Variants in DNAH9 observed in about 807,000 individuals in gnomAD.
The protein encoded by DNAH9 is DNAH9 variant protein.
In DNAH9, 345 loss-of-function variants were observed where a neutral mutation model predicts 471.6. The ratio of observed to expected loss-of-function variants is 0.73; its 90% CI spans 0.67 to 0.80. The LOEUF is 0.80. DNAH9 is among the 30% of genes least tolerant of loss of function. The probability of loss-of-function intolerance (pLI) is 0.00; values close to 1 mark genes in which losing one functional copy is unlikely to be tolerated. For missense variants in DNAH9, 5,407 were observed against 5,609.2 expected, an observed-to-expected ratio of 0.96 and a Z score of 1.15; for synonymous variants, 2,093 against 2,123.6, an observed-to-expected ratio of 0.99 and a Z score of 0.40.
At chr17:11,718,234 T>C (rs899571482) in intron 26 of DNAH9, among the ~76,000 whole-genome samples, 2 of 152,250 alleles carry the variant, frequency 1.3e-5, no homozygotes, top group African/African-American at 4.8e-5. Flanking sequence ...GTTTTTGAGG[T>C]TCGTCCATCC....
At chr17:11,769,520 A>C (rs779825746) in intron 38 of DNAH9, among the ~76,000 whole-genome samples, 191 bp downstream of exon 38, 1 of 151,948 alleles carries the variant, frequency 6.6e-6, no homozygotes, top group Non-Finnish European at 1.5e-5. Flanking sequence ...ACCCCTTAGC[A>C]CTGCTTCTGG....
At position 11,623,163 on chromosome 17, in the gene DNAH9, A is replaced by G. The variant is rs534468749; in HGVS notation, c.1350+3382A>G. Among the ~76,000 whole-genome samples, 3 of 151,822 alleles carry G rather than the reference A, an allele frequency of 2.0e-5. No individual in the cohort carries two copies. The highest frequency in any genetic ancestry group is 4.2e-4 in the South Asian group (2 of 4,790). On this transcript the variant is annotated intron_variant, in intron 6 of 68. Transcript: ENST00000262442. This position sits in a 1 kb window ranked among gnomAD's most constrained non-coding sequence, Gnocchi z 4.1. ...TAATTTTTGTATTTTTAGTAGAGAC[A>G]GGGTCTTTCTGTGTTGGTCAGGCTG...
intron 12 of DNAH9, among the ~76,000 whole-genome samples, chr17:11,649,199 C>G (rs2073452508): frequency 6.6e-6 from 1 of 151,334 alleles, no homozygotes; most frequent in Non-Finnish European, 1.5e-5. Flanking sequence ...CAGAAATTTG[C>G]CCCTCTGGGG....
At chr17:11,836,784 T>G (rs1215683636) in intron 49 of DNAH9, among the ~76,000 whole-genome samples, 1 of 152,368 alleles carries the variant, frequency 6.6e-6, no homozygotes, top group East Asian at 1.9e-4. Flanking sequence ...CCACTTTATT[T>G]ACACACCTTC....
intron 6 of DNAH9, among the ~76,000 whole-genome samples, chr17:11,625,775 C>T (rs761551549): frequency 8.5e-5 from 13 of 152,166 alleles, no homozygotes; most frequent in South Asian, 2.1e-4. Context: ...GTCCAGTAAG[C>T]GGCCTGGTAC....
intron 63 of DNAH9, 71 bp downstream of exon 63, chr17:11,930,164 G>C (rs1974461213): frequency 7.5e-7 from 1 of 1,340,296 alleles, no homozygotes; most frequent in African/African-American, 1.4e-5. Flanking sequence ...GGTGGGGGGA[G>C]AGCATGCAAC....
intron 61 of DNAH9, among the ~76,000 whole-genome samples, chr17:11,906,533 A>G (rs1223831490): frequency 6.6e-6 from 1 of 151,668 alleles, no homozygotes; most frequent in Non-Finnish European, 1.5e-5. Context: ...AAGCTGAGGC[A>G]GGAGAATCGC....
At position 11,778,072 on chromosome 17, in the gene DNAH9, A is replaced by G. The variant is rs560514515; in HGVS notation, c.7553-2937A>G. Reference sequence around the variant, plus strand: ...CGCGTACCAGGGAAGACCTTACTGGAAAAATAGCACCTGGGTAAATAAACA... The same window carrying G: ...CGCGTACCAGGGAAGACCTTACTGGGAAAATAGCACCTGGGTAAATAAACA... On this transcript the variant is annotated intron_variant, in intron 38 of 68. Coordinates refer to ENST00000262442, the MANE Select transcript of DNAH9 (RefSeq NM_001372.4). Among the ~76,000 whole-genome samples the G allele has an allele frequency of 2.7e-4, 41 of 152,196 alleles. 1 individual carries two copies. The highest frequency in any genetic ancestry group is 9.9e-4 in the African/African-American group (41 of 41,520).
intron 14 of DNAH9, among the ~76,000 whole-genome samples, chr17:11,661,210 T>A (rs1203431485): frequency 6.6e-6 from 1 of 152,126 alleles, no homozygotes; most frequent in African/African-American, 2.4e-5. Context: ...TTTTGAAATC[T>A]ATTTTTTTCT....
chr17:11,894,261 A>G, intron 58 of DNAH9, 113 bp from the exon 59 acceptor site: 1 of 1,431,440 alleles, frequency 7.0e-7, no homozygotes, highest in Non-Finnish European at 9.5e-7. Flanking sequence ...ACCAAAATTG[A>G]TGGGCAAACT....
chr17:11,842,286 C>T (rs1597722672), intron 49 of DNAH9, among the ~76,000 whole-genome samples: 1 of 152,206 alleles, frequency 6.6e-6, no homozygotes, highest in East Asian at 1.9e-4. Context: ...TTTATTCAAA[C>T]AATATGCCAC....
At chr17:11,829,301 A>G (rs965504623) in intron 48 of DNAH9, among the ~76,000 whole-genome samples, 3 of 152,228 alleles carry the variant, frequency 2.0e-5, no homozygotes, top group African/African-American at 4.8e-5. Flanking sequence ...TTTTGATGCT[A>G]GTAATCTGGC....
chr17:11,754,112 C>T (rs1266996718), intron 33 of DNAH9, among the ~76,000 whole-genome samples: 1 of 148,498 alleles, frequency 6.7e-6, no homozygotes, highest in Non-Finnish European at 1.5e-5. Flanking sequence ...AGGTAATGGC[C>T]TCCAGCTCCA....
At chr17:11,894,313 A>G in intron 58 of DNAH9, 61 bp from the exon 59 acceptor site, 3 of 1,596,130 alleles carry the variant, frequency 1.9e-6, no homozygotes, top group Non-Finnish European at 2.6e-6. Context: ...GACAACCCCT[A>G]AGATTTCTAG....
rs549349649 is a variant in DNAH9, at chr17:11,621,610, T to A, written c.1350+1829T>A. On this transcript the variant is annotated intron_variant, in intron 6 of 68. Transcript: ENST00000262442. ...CAGTTCAGAAAGTATTGGTTCAGCA[T>A]CACCATGTGCCAGGCACGGAGCTAG... Among the ~76,000 whole-genome samples, 6 of 152,082 alleles carry A rather than the reference T, an allele frequency of 3.9e-5. No homozygotes were observed. In the East Asian group the frequency reaches 1.2e-3, roughly 30 times the overall value.
At chr17:11,811,915 GGGA>G (rs1969917506) in intron 45 of DNAH9, among the ~76,000 whole-genome samples, 1 of 136,838 alleles carries the variant, frequency 7.3e-6, no homozygotes, top group Admixed American at 7.9e-5. Flanking sequence ...ACTTGAACCA[GGGA>G]GATACAGGTT....
intron 1 of DNAH9, among the ~76,000 whole-genome samples, chr17:11,600,125 T>C (rs1047903226): frequency 6.6e-5 from 10 of 152,120 alleles, no homozygotes; most frequent in African/African-American, 2.4e-4. Context: ...CTCTTAGATA[T>C]GGAGGTATTT....
At chr17:11,762,369 G>A (rs1320592652) in intron 35 of DNAH9, among the ~76,000 whole-genome samples, 4 of 152,128 alleles carry the variant, frequency 2.6e-5, no homozygotes, top group Non-Finnish European at 5.9e-5. Context: ...TACGTGGTGT[G>A]CTCTGCATAT....
At chr17:11,959,058 C>T (rs752495890) in intron 67 of DNAH9, among the ~76,000 whole-genome samples, 1 of 151,294 alleles carries the variant, frequency 6.6e-6, no homozygotes, top group Non-Finnish European at 1.5e-5. Context: ...GCAGAGAAGG[C>T]GTTTGACAAA....
Sources: gnomAD v4.1 joint callset for allele counts (sites outside exome capture counted in the v4.1 genomes callset) on GRCh38, gnomAD v4.1.1 for gene constraint, Gnocchi (gnomAD v3.1) non-coding constraint, MANE v1.5 for transcripts, NCBI Gene and HGNC (gene_info 2026-07-23, HGNC 2026-07-21) for gene names.